GALNT14: variants seen among roughly 807,000 people sequenced by gnomAD.
GALNT14 encodes the protein polypeptide N-acetylgalactosaminyltransferase 14.
Under a neutral mutation model 77.5 loss-of-function variants are expected in GALNT14, and 60 were observed. That is an observed-to-expected ratio of 0.77 (90% CI 0.63 to 0.96). The LOEUF (loss-of-function observed/expected upper bound fraction) is 0.96. GALNT14 is among the 40% of genes least tolerant of loss of function. GALNT14 has a pLI of 0.00. For missense variants in GALNT14, 710 were observed against 731.0 expected (o/e 0.97, Z 0.33); for synonymous variants, 280 against 281.7 (o/e 0.99, Z 0.06).
chr2:31,064,755 C>T (rs977481496), intron 1 of GALNT14, among the ~76,000 whole-genome samples: 3 of 151,930 alleles, frequency 2.0e-5, no homozygotes, highest in Non-Finnish European at 2.9e-5. Context: ...CATTGCTTCT[C>T]GGAAATGGCT....
At chr2:30,920,761 G>T (rs770943093) in intron 13 of GALNT14, among the ~76,000 whole-genome samples, 3 of 152,144 alleles carry the variant, frequency 2.0e-5, no homozygotes, top group Non-Finnish European at 4.4e-5. Context: ...ACTTGGAAAT[G>T]TATCCAAGTC....
At position 31,046,074 on chromosome 2, in the gene GALNT14, A is replaced by G. The variant is rs181322893; in HGVS notation, c.130-53067T>C. ...TGCTAATCACTTTTCATGGATTATCACACTCAGTCCTCACAGGATTCCAAT... is the reference window on the plus strand; with the variant it reads ...TGCTAATCACTTTTCATGGATTATCGCACTCAGTCCTCACAGGATTCCAAT... On this transcript the variant is annotated intron_variant, in intron 1 of 14. Coordinates refer to ENST00000349752, the MANE Select transcript of GALNT14 (RefSeq NM_024572.4). 4.9e-3 allele frequency among the ~76,000 whole-genome samples: 744 copies of G among 152,318 alleles called. 6 individuals are homozygous for G. The highest frequency in any genetic ancestry group is 0.017 in the African/African-American group (713 of 41,560).
chr2:30,904,849 C>A, the GALNT14 span, among the ~76,000 whole-genome samples: 1 of 152,004 alleles, frequency 6.6e-6, no homozygotes, highest in Non-Finnish European at 1.5e-5. Flanking sequence ...TCTCCCAGCA[C>A]GCAGCTGGAG....
At chr2:30,901,616 A>G in the GALNT14 span, among the ~76,000 whole-genome samples, 1 of 151,708 alleles carries the variant, frequency 6.6e-6, no homozygotes, top group Admixed American at 6.6e-5. Context: ...ATATATATAA[A>G]TTCCATTTCC....
At chr2:31,099,301 T>C (rs1048223876) in intron 1 of GALNT14, among the ~76,000 whole-genome samples, 2 of 151,200 alleles carry the variant, frequency 1.3e-5, no homozygotes, top group African/African-American at 4.9e-5. Flanking sequence ...TCTATTGGAT[T>C]GAAATTCATT....
intron 1 of GALNT14, among the ~76,000 whole-genome samples, chr2:30,999,946 A>G (rs6543591): frequency 0.35 from 53,622 of 152,022 alleles, 10,802 homozygotes; most frequent in African/African-American, 0.55. Context: ...CCTCCCCAAG[A>G]GAGGCAAAAC....
chr2:31,110,098 T>C (rs1347196334), intron 1 of GALNT14, among the ~76,000 whole-genome samples: 1 of 152,182 alleles, frequency 6.6e-6, no homozygotes, highest in Admixed American at 6.5e-5. Context: ...TCTTTCCTTG[T>C]CTTTGAGCCT....
intron 1 of GALNT14, among the ~76,000 whole-genome samples, chr2:31,088,167 C>T (rs1218040302): frequency 3.9e-5 from 6 of 152,118 alleles, no homozygotes; most frequent in African/African-American, 1.4e-4. Flanking sequence ...ATAGCGATTG[C>T]GGCAGAGGCC....
rs61504726 is a variant in GALNT14, at chr2:31,005,122, C to T, written c.130-12115G>A. On this transcript the variant is annotated intron_variant, in intron 1 of 14. Coordinates refer to ENST00000349752, the MANE Select transcript of GALNT14 (RefSeq NM_024572.4). ...GGAATACAAGGAAAAGGGTAAAGAA[C>T]GGAAAAGAAGGGAAGAATCAAACAA... is the stretch of plus-strand genomic sequence containing the variant. 5.7e-4 allele frequency among the ~76,000 whole-genome samples: 87 copies of T among 152,272 alleles called. No individual in the cohort carries two copies. The Middle Eastern group carries it at 0.021, about 36-fold the overall frequency.
At chr2:30,967,016 C>T (rs185702051) in intron 2 of GALNT14, among the ~76,000 whole-genome samples, 1 of 152,284 alleles carries the variant, frequency 6.6e-6, no homozygotes, top group African/African-American at 2.4e-5. Context: ...AGGCTGGTGG[C>T]ACCAGGGGCT....
chr2:30,945,905 G>A (rs1428740678), intron 6 of GALNT14, 35 bp from the exon 7 acceptor site: 1 of 1,585,786 alleles, frequency 6.3e-7, no homozygotes, highest in Non-Finnish European at 8.7e-7. Context: ...AGCTTATGGA[G>A]AGGAGCCCAG....
intron 1 of GALNT14, among the ~76,000 whole-genome samples, chr2:31,026,535 A>G (rs1672067308): frequency 6.6e-6 from 1 of 152,192 alleles, no homozygotes; most frequent in Non-Finnish European, 1.5e-5. Context: ...GGGTGACGCC[A>G]AGTCACCCTG....
At chr2:31,056,296 T>G (rs1479281630) in intron 1 of GALNT14, among the ~76,000 whole-genome samples, 3 of 152,190 alleles carry the variant, frequency 2.0e-5, no homozygotes, top group Non-Finnish European at 4.4e-5. Context: ...GTCCGTTTGG[T>G]AGGTTCGGGC....
chr2:31,121,153 C>A (rs530039636), intron 1 of GALNT14, among the ~76,000 whole-genome samples: 1 of 152,220 alleles, frequency 6.6e-6, no homozygotes, highest in African/African-American at 2.4e-5. Flanking sequence ...GCCCAGCATG[C>A]CTGTCCAAGG....
chr2:30,897,595 G>A, the GALNT14 span, among the ~76,000 whole-genome samples: 33 of 152,274 alleles, frequency 2.2e-4, no homozygotes, highest in African/African-American at 7.5e-4. Flanking sequence ...GAGCTTCTGG[G>A]GGTGCTGAGC....
At chr2:30,953,767 A>G (rs1261523933) in intron 6 of GALNT14, among the ~76,000 whole-genome samples, 1 of 152,222 alleles carries the variant, frequency 6.6e-6, no homozygotes, top group African/African-American at 2.4e-5. Flanking sequence ...TACACAGCCC[A>G]TTCCAACCCT....
At chr2:30,907,306 C>T (rs544907813), downstream of GALNT14, among the ~76,000 whole-genome samples, 1 of 152,190 alleles carries the variant, frequency 6.6e-6, no homozygotes, top group South Asian at 2.1e-4. Context: ...AATTGATAGA[C>T]CGCTAGCAAG....
chr2:30,956,442 A>G (rs773831024), intron 4 of GALNT14, among the ~76,000 whole-genome samples: 2 of 152,222 alleles, frequency 1.3e-5, no homozygotes. Context: ...TAATAATCAC[A>G]TCATGGAGAA....
chr2:30,966,065 T>C, intron 3 of GALNT14, 139 bp downstream of exon 3: 1 of 635,404 alleles, frequency 1.6e-6, no homozygotes, highest in Non-Finnish European at 2.9e-6. Context: ...AGTGGACACA[T>C]GTGACATATA....
Sources: allele counts gnomAD v4.1 joint callset (sites outside exome capture counted in the v4.1 genomes callset), GRCh38; gene constraint gnomAD v4.1.1; transcripts MANE v1.5; gene names NCBI Gene and HGNC (gene_info 2026-07-23, HGNC 2026-07-21).